Variants in YEATS2 observed in about 807,000 individuals in gnomAD.
The protein encoded by YEATS2 is YEATS domain containing 2.
In YEATS2, 77 loss-of-function variants were observed where a neutral mutation model predicts 163.2. The observed-to-expected ratio is 0.47, with a 90% confidence interval of 0.39 to 0.57. The LOEUF is 0.57. Ranked by LOEUF, YEATS2 falls within the 20% of genes least tolerant of loss-of-function variation. The pLI, the probability that YEATS2 is intolerant of heterozygous loss-of-function variation, is 0.00. For synonymous variants in YEATS2, 631 were observed against 645.1 expected, an observed-to-expected ratio of 0.98 and a Z score of 0.33; for missense variants, 1,549 against 1,729.8, an observed-to-expected ratio of 0.90 and a Z score of 1.85.
chr3:183,771,656 T>G (rs1469368626), intron 15 of YEATS2, among the ~76,000 whole-genome samples: 1 of 148,336 alleles, frequency 6.7e-6, no homozygotes, highest in Non-Finnish European at 1.5e-5. Flanking sequence ...GCTCAAGGGA[T>G]CCTCCCCTGC....
intron 13 of YEATS2, among the ~76,000 whole-genome samples, chr3:183,760,387 T>C (rs967598325): frequency 1.4e-5 from 2 of 139,940 alleles, no homozygotes; most frequent in Non-Finnish European, 3.0e-5. Flanking sequence ...AGTGGCGCAA[T>C]CTTGGCTCAC....
chr3:183,728,616 A>C, intron 6 of YEATS2, 74 bp from the exon 7 acceptor site: 1 of 1,358,558 alleles, frequency 7.4e-7, no homozygotes, highest in Admixed American at 2.6e-5. Flanking sequence ...TTTTAAGTTT[A>C]AGTAGGACTT....
intron 5 of YEATS2, among the ~76,000 whole-genome samples, chr3:183,723,179 G>A (rs1422666545): frequency 6.6e-6 from 1 of 152,198 alleles, no homozygotes; most frequent in Non-Finnish European, 1.5e-5. Context: ...GTAGATGGAG[G>A]AAATTTGACA....
In YEATS2 at chr3:183,761,519, T is replaced by G; in HGVS notation, c.1669T>G (p.Leu557Val). Residue 557 changes from leucine to valine, a missense_variant, in exon 14 of 31, where the codon TTG (leucine) becomes GTG (valine). Physicochemically the swap from Leu to Val is conservative, Grantham distance 32 (BLOSUM62 1). Coordinates refer to ENST00000305135, the MANE Select transcript of YEATS2 (RefSeq NM_018023.5). The stretch of plus-strand genomic sequence containing the variant: ...TTTACACACACAGCAGGAGGATTCT[T>G]TGTTTGCATCTATGCCACCTCTTTG... The part of the protein sequence containing the change: ...VTSTVKQEDS[L>V]FASMPPLCPI... 6.2e-7 allele frequency: 1 copy of G among 1,614,154 alleles called. No individual in the cohort carries two copies.
At position 183,710,929 on chromosome 3, in the gene YEATS2, A is replaced by G. The variant is rs73884598; in HGVS notation, c.-19-4215A>G. On this transcript the variant is annotated intron_variant, in intron 1 of 30. Coordinates refer to ENST00000305135, the MANE Select transcript of YEATS2 (RefSeq NM_018023.5). ...GCAAACTGTGGAAGACAGGTGCCTG[A>G]TGAGGAAGTAGTATGGTACAAGGAC... Among the ~76,000 whole-genome samples, 714 of 152,322 alleles carry G rather than the reference A, an allele frequency of 4.7e-3. 4 individuals carry two copies. The highest frequency in any genetic ancestry group is 0.016 in the African/African-American group (678 of 41,570).
Position 183,801,523 on chromosome 3 carries a change from C to T in YEATS2, c.3497C>T (p.Ala1166Val), listed in dbSNP as rs1156750567. The change falls in exon 25 of 31, where the codon GCA becomes GTA. Residue 1166 changes from alanine (A) to valine (V), a missense_variant. Physicochemically the swap from Ala to Val is moderately conservative, Grantham distance 64. Coordinates refer to ENST00000305135, the MANE Select transcript of YEATS2 (RefSeq NM_018023.5). ...GTAAAGAAGATTCCATTAATCACTG[C>T]AAAAAGTAAGACAATTACACTGAAT... ...AVVKKIPLIT[A>V]KSEDASCFSA... 5.6e-6 allele frequency: 9 copies of T among 1,607,380 alleles called. No homozygotes were observed. Among genetic ancestry groups the T allele is most frequent in the Non-Finnish European group, 7.6e-6 (9 of 1,176,518 alleles).
At chr3:183,777,378 A>G (rs373073654) in intron 18 of YEATS2, among the ~76,000 whole-genome samples, 164 bp from the exon 19 acceptor site, 1 of 152,264 alleles carries the variant, frequency 6.6e-6, no homozygotes, top group African/African-American at 2.4e-5. Flanking sequence ...AGTAACACTT[A>G]GAGCACAACT....
At chr3:183,808,575 G>T (rs1577237524) in intron 29 of YEATS2, among the ~76,000 whole-genome samples, 2 of 152,210 alleles carry the variant, frequency 1.3e-5, no homozygotes, top group Admixed American at 6.5e-5. Context: ...AATGTCTAGG[G>T]CTGGGCGCGG....
intron 12 of YEATS2, among the ~76,000 whole-genome samples, chr3:183,757,178 G>A (rs1236976738): frequency 6.6e-6 from 1 of 151,768 alleles, no homozygotes; most frequent in Non-Finnish European, 1.5e-5. Context: ...GTCATCCTTG[G>A]GTTCACCGTG....
chr3:183,754,228 C>A lies in YEATS2; in HGVS notation c.1253C>A (p.Thr418Asn), dbSNP rs781776978. 14 of 1,614,026 alleles carry A rather than the reference C, an allele frequency of 8.7e-6. No homozygotes were observed. The South Asian group carries it at 1.4e-4, about 16-fold the overall frequency. The stretch of plus-strand genomic sequence containing the variant: ...AAAATGACTACATCCCAGAAAGTTA[C>A]CTTTTGTTCCCATGGCAATTCAGCT... ...PTKMTTSQKV[T>N]FCSHGNSAFQ... Residue 418 changes from threonine (T) to asparagine (N), a missense_variant, in exon 11 of 31, where the codon ACC becomes AAC. By Grantham distance (65) the Thr-to-Asn change is moderately conservative. Coordinates refer to ENST00000305135, the MANE Select transcript of YEATS2 (RefSeq NM_018023.5).
At chr3:183,794,693 C>T (rs960980833) in intron 21 of YEATS2, among the ~76,000 whole-genome samples, 1 of 152,218 alleles carries the variant, frequency 6.6e-6, no homozygotes, top group Non-Finnish European at 1.5e-5. Context: ...TACTGAGTGC[C>T]TGTTGCTTTC....
rs567515059 is a variant in YEATS2 at position 183,718,509 on chromosome 3, G to A, written c.208G>A (p.Glu70Lys). 1.9e-6 allele frequency: 3 copies of A among 1,609,986 alleles called. No homozygotes were observed. The highest frequency in any genetic ancestry group is 3.4e-5 in the Admixed American group (2 of 59,448). ...TAACATTTGTTTTTAGCGACTGATT[G>A]AAGCAAGAAGGATGATGGATAAACT... ...EIEVIDQRLI[E>K]ARRMMDKLRA... Residue 70 changes from glutamate (E) to lysine (K), a missense_variant, in exon 4 of 31, where the codon GAA (glutamate) becomes AAA (lysine). Glu to Lys is a moderately conservative substitution (Grantham distance 56, BLOSUM62 1). Transcript: ENST00000305135.
chr3:183,782,093 T>C (rs1433307713), intron 19 of YEATS2, among the ~76,000 whole-genome samples: 2 of 152,082 alleles, frequency 1.3e-5, no homozygotes, highest in African/African-American at 2.4e-5. Context: ...TCTTTTTTAT[T>C]CTTGAGTTAA....
At chr3:183,780,358 C>T (rs1723449280) in intron 19 of YEATS2, among the ~76,000 whole-genome samples, 1 of 152,194 alleles carries the variant, frequency 6.6e-6, no homozygotes. Flanking sequence ...TCTGCTATCT[C>T]CAGATGTGGA....
At chr3:183,779,859 A>G (rs1038741286) in intron 19 of YEATS2, among the ~76,000 whole-genome samples, 37 of 151,780 alleles carry the variant, frequency 2.4e-4, no homozygotes, top group African/African-American at 8.7e-4. Flanking sequence ...CACCATGTCC[A>G]GCTAATTTTT....
chr3:183,776,557 C>A (rs1447229573), intron 18 of YEATS2, among the ~76,000 whole-genome samples: 1 of 151,922 alleles, frequency 6.6e-6, no homozygotes, highest in Non-Finnish European at 1.5e-5. Context: ...CAAAAAAAAA[C>A]TATGTGTTTT....
chr3:183,714,821 T>C (rs1249713944), intron 1 of YEATS2, among the ~76,000 whole-genome samples: 2 of 152,168 alleles, frequency 1.3e-5, no homozygotes, highest in Non-Finnish European at 2.9e-5. Context: ...AAAGCCAGGC[T>C]CCTTTTGAAA....
In YEATS2 at chr3:183,810,844, T is replaced by C. The variant is rs894706166; in HGVS notation, c.*261T>C. The C allele has an allele frequency of 6.6e-6, 3 of 456,998 alleles. No individual in the cohort carries two copies. Among genetic ancestry groups the C allele is most frequent in the South Asian group, 2.2e-5 (1 of 46,320 alleles). 28.3% of individuals were successfully genotyped at this position (456,998 alleles called of 1,614,324 possible). A position where few individuals can be genotyped will look rare whatever the true frequency, so the allele number is the denominator to read the frequency against. The stretch of plus-strand genomic sequence containing the variant: ...TGTCGGCCAGCGTTTCTGCAGTCTT[T>C]GTAAAGGCCCCACGAGAGCGGGCCA... On this transcript the variant is annotated 3_prime_UTR_variant, in exon 31 of 31. Transcript: ENST00000305135.
At chr3:183,798,199 C>T in intron 22 of YEATS2, 148 bp downstream of exon 22, 2 of 1,241,416 alleles carry the variant, frequency 1.6e-6, no homozygotes, top group South Asian at 3.1e-5. Context: ...CTTCAGCTGT[C>T]ATGGTATTCC....
Sources: allele counts gnomAD v4.1 joint callset (sites outside exome capture counted in the v4.1 genomes callset), GRCh38; gene constraint gnomAD v4.1.1; transcripts MANE v1.5; gene names NCBI Gene and HGNC (gene_info 2026-07-23, HGNC 2026-07-21).